Variants in XKR4 observed in about 807,000 individuals in gnomAD.
XKR4 encodes XK-related protein 4.
Under a neutral mutation model 53.9 loss-of-function variants are expected in XKR4, and 12 were observed. The observed-to-expected ratio is 0.22, with a 90% confidence interval of 0.14 to 0.36. The LOEUF (loss-of-function observed/expected upper bound fraction) is 0.36. Among genes scored for constraint, XKR4 ranks in the 10% least tolerant of loss-of-function variants. The pLI is 1.00. For synonymous variants in XKR4, 354 were observed against 362.4 expected, an observed-to-expected ratio of 0.98 and a Z score of 0.26; for missense variants, 799 against 859.5, an observed-to-expected ratio of 0.93 and a Z score of 0.88.
chr8:55,539,225 TAG>T lies in XKR4; in HGVS notation c.*15000_*15001del, dbSNP rs1343049426. Reference sequence around the variant, plus strand: ...TGATATAGGAATACATTCATAAAACTAGACTAGCAAAGCAGATAATGTTTTCA... The same window carrying T: ...TGATATAGGAATACATTCATAAAACTACTAGCAAAGCAGATAATGTTTTCA... On this transcript the variant is annotated 3_prime_UTR_variant, in exon 3 of 3. Coordinates refer to ENST00000327381, the MANE Select transcript of XKR4 (RefSeq NM_052898.2). 1 of 152,222 alleles carries T rather than the reference TAG, an allele frequency of 6.6e-6. No individual in the cohort carries two copies. Among genetic ancestry groups the T allele is most frequent in the Non-Finnish European group, 1.5e-5 (1 of 68,038 alleles). 9.4% of individuals were successfully genotyped at this position (152,222 alleles called of 1,614,324 possible).
At chr8:55,284,878 G>A (rs189260153) in intron 1 of XKR4, among the ~76,000 whole-genome samples, 4 of 152,216 alleles carry the variant, frequency 2.6e-5, no homozygotes, top group African/African-American at 9.6e-5. Flanking sequence ...ATCTACATCT[G>A]ATCCATGAGG....
chr8:55,311,847 A>AG (rs1442531663), intron 1 of XKR4, among the ~76,000 whole-genome samples: 3 of 134,992 alleles, frequency 2.2e-5, no homozygotes, highest in Admixed American at 7.3e-5. Flanking sequence ...AAAAAAAAAA[A>AG]AAAAGAAAAG....
intron 2 of XKR4, among the ~76,000 whole-genome samples, chr8:55,425,728 G>A (rs1293391393): frequency 6.6e-6 from 1 of 152,122 alleles, no homozygotes; most frequent in Non-Finnish European, 1.5e-5. Context: ...TGATGACTGT[G>A]TCAAGCTCAT....
chr8:55,354,695 T>C (rs574042429), intron 1 of XKR4, among the ~76,000 whole-genome samples: 1 of 148,636 alleles, frequency 6.7e-6, no homozygotes, highest in African/African-American at 2.6e-5. Context: ...ATGATGTTTC[T>C]ATAGACAATG....
intron 2 of XKR4, among the ~76,000 whole-genome samples, chr8:55,439,938 C>CA (rs1235076040): frequency 1.3e-5 from 2 of 151,888 alleles, no homozygotes; most frequent in African/African-American, 2.4e-5. Flanking sequence ...TGCAGGACGC[C>CA]AAAAAACCAA....
chr8:55,276,949 G>A (rs986943388), intron 1 of XKR4, among the ~76,000 whole-genome samples: 2 of 152,156 alleles, frequency 1.3e-5, no homozygotes, highest in Non-Finnish European at 2.9e-5. Context: ...GTTGTGTCAT[G>A]GAATATTTGT....
intron 2 of XKR4, among the ~76,000 whole-genome samples, chr8:55,375,026 C>A (rs765776951): frequency 2.0e-5 from 3 of 152,178 alleles, no homozygotes; most frequent in Non-Finnish European, 4.4e-5. Context: ...CAGCAACCAG[C>A]AATGGGTGGA....
intron 1 of XKR4, among the ~76,000 whole-genome samples, chr8:55,182,380 AATAAAG>A (rs2129359928): frequency 6.6e-6 from 1 of 152,208 alleles, no homozygotes; most frequent in East Asian, 1.9e-4. Flanking sequence ...CATTTGCAAA[AATAAAG>A]ATAATACAGA....
intron 2 of XKR4, among the ~76,000 whole-genome samples, chr8:55,471,656 T>A (rs1279903013): frequency 6.6e-6 from 1 of 152,146 alleles, no homozygotes; most frequent in Non-Finnish European, 1.5e-5. Context: ...TGCTGAAATG[T>A]GATGCCCAGT....
chr8:55,451,659 ACT>A, intron 2 of XKR4: 1 of 1,555,436 alleles, frequency 6.4e-7, no homozygotes, highest in Non-Finnish European at 8.8e-7. Context: ...TGTCCTGGAC[ACT>A]CTGGGGCACG....
intron 2 of XKR4, among the ~76,000 whole-genome samples, chr8:55,368,793 T>G (rs1007538240): frequency 5.9e-5 from 9 of 152,182 alleles, no homozygotes; most frequent in Admixed American, 2.6e-4. Context: ...TTTACCATCT[T>G]CAGAAGCTAC....
In XKR4 at chr8:55,533,192, A is replaced by G. The variant is rs1162300511; in HGVS notation, c.*8965A>G. 1 of 152,218 alleles carries G rather than the reference A, an allele frequency of 6.6e-6. No homozygotes were observed. 9.4% of individuals were successfully genotyped at this position (152,218 alleles called of 1,614,324 possible). The stretch of plus-strand genomic sequence containing the variant: ...ACACCAGCATTGCCATTGTGAGTCT[A>G]GAAAATGAGCACTTTGTGTGTTGAG... On this transcript the variant is annotated 3_prime_UTR_variant, in exon 3 of 3. Transcript: ENST00000327381.
intron 2 of XKR4, among the ~76,000 whole-genome samples, chr8:55,471,466 G>T (rs114059606): frequency 6.6e-6 from 1 of 152,060 alleles, no homozygotes; most frequent in South Asian, 2.1e-4. Flanking sequence ...CGGAGTTGGG[G>T]CCCGGCCATC....
chr8:55,378,350 T>G (rs1013636468), intron 2 of XKR4, among the ~76,000 whole-genome samples: 2 of 152,224 alleles, frequency 1.3e-5, no homozygotes, highest in Non-Finnish European at 1.5e-5. Context: ...AATGCAAGAT[T>G]CGTCTGAATG....
chr8:55,344,274 G>A (rs538481656), intron 1 of XKR4, among the ~76,000 whole-genome samples: 1 of 152,224 alleles, frequency 6.6e-6, no homozygotes, highest in African/African-American at 2.4e-5. Flanking sequence ...ATGCTATAAG[G>A]TAGTGCTGTG....
chr8:55,425,428 C>CATG (rs370057285), intron 2 of XKR4, among the ~76,000 whole-genome samples: 1 of 152,118 alleles, frequency 6.6e-6, no homozygotes, highest in African/African-American at 2.4e-5. Context: ...CTCTCATCAT[C>CATG]TCGATGACAA....
At chr8:55,390,129 C>T (rs1317170776) in intron 2 of XKR4, among the ~76,000 whole-genome samples, 1 of 152,178 alleles carries the variant, frequency 6.6e-6, no homozygotes, top group East Asian at 1.9e-4. Context: ...CTTAACAACA[C>T]ATTTGTGAGC....
intron 2 of XKR4, among the ~76,000 whole-genome samples, chr8:55,467,000 G>A (rs966796428): frequency 6.6e-6 from 1 of 152,128 alleles, no homozygotes; most frequent in East Asian, 1.9e-4. Flanking sequence ...TGTGGGTCAG[G>A]GACCTAGTCA....
chr8:55,272,605 G>A (rs4403384), intron 1 of XKR4, among the ~76,000 whole-genome samples: 54,651 of 152,018 alleles, frequency 0.36, 12,018 homozygotes, highest in Non-Finnish European at 0.49. Flanking sequence ...CTGCCTTGGA[G>A]ATCTCTGACT....
Sources: allele counts gnomAD v4.1 joint callset (sites outside exome capture counted in the v4.1 genomes callset), GRCh38; gene constraint gnomAD v4.1.1; transcripts MANE v1.5; gene names NCBI Gene and HGNC (gene_info 2026-07-23, HGNC 2026-07-21).